CHD1: variants seen among roughly 807,000 people sequenced by gnomAD.
CHD1 encodes ATP-dependent chromatin remodeler CHD1.
CHD1 carries 36 observed loss-of-function variants against 224.2 expected under a neutral mutation model. The observed-to-expected ratio is 0.16, with a 90% CI of 0.12 to 0.21. CHD1 has a LOEUF of 0.21. Ranked by LOEUF, CHD1 falls within the 10% of genes least tolerant of loss-of-function variation. The probability of loss-of-function intolerance (pLI) is 1.00; values close to 1 mark genes in which losing one functional copy is unlikely to be tolerated. For missense variants in CHD1, 1,378 were observed against 1,994.8 expected, an observed-to-expected ratio of 0.69 and a Z score of 5.89; for synonymous variants, 668 against 658.3, an observed-to-expected ratio of 1.01 and a Z score of -0.23.
chr5:98,903,804 G>A lies in CHD1; in HGVS notation c.360C>T (p.Ser120=), dbSNP rs934696678. 21 of 1,610,320 alleles carry A rather than the reference G, an allele frequency of 1.3e-5. No homozygotes were observed. Among genetic ancestry groups the A allele is most frequent in the African/African-American group, 9.4e-5 (7 of 74,796 alleles). ...QQQQHQASSN[S]GSEEDSSSSE... ...GATGAAAATGCACCTCTTCTGATCC[G>A]CTATTAGATGAGGCTTGATGTTGTT... The change falls in exon 4 of 36, where the codon AGC becomes AGT. Residue 120 remains serine (S), a synonymous_variant. Coordinates refer to ENST00000614616, the MANE Select transcript of CHD1 (RefSeq NM_001270.4).
At chr5:98,889,501 T>G (rs1335621986) in intron 15 of CHD1, among the ~76,000 whole-genome samples, 1 of 152,176 alleles carries the variant, frequency 6.6e-6, no homozygotes, top group Admixed American at 6.5e-5. Flanking sequence ...TCCCCTCAAA[T>G]TTGCTAAAAA....
At position 98,901,232 on chromosome 5, in the gene CHD1, C is replaced by T. The variant is rs1751686720; in HGVS notation, c.541G>A (p.Asp181Asn). 9 of 1,613,762 alleles carry T rather than the reference C, an allele frequency of 5.6e-6. No homozygotes were observed. Among genetic ancestry groups the T allele is most frequent in the Non-Finnish European group, 7.6e-6 (9 of 1,179,894 alleles). Residue 181 changes from aspartate to asparagine, a missense_variant, in exon 6 of 36, where the codon GAT becomes AAT. Asp to Asn is a conservative substitution (Grantham distance 23). This residue lies in a region of CHD1 where 306 missense variants were observed against 298.1 expected (regional missense o/e 1.03). Coordinates refer to ENST00000614616, the MANE Select transcript of CHD1 (RefSeq NM_001270.4). Reference sequence around the variant, plus strand: ...TTGACTTTGTTTTTTGGCTCATAATCAGATTCTGTTTCATCACAACTGCTT... The same window carrying T: ...TTGACTTTGTTTTTTGGCTCATAATTAGATTCTGTTTCATCACAACTGCTT... ...EKSSCDETES[D>N]YEPKNKVKSR...
intron 8 of CHD1, among the ~76,000 whole-genome samples, chr5:98,899,165 C>A (rs1751529910): frequency 6.6e-6 from 1 of 152,144 alleles, no homozygotes; most frequent in African/African-American, 2.4e-5. Context: ...ACATCCTCCC[C>A]CATACTTTAA....
chr5:98,858,924 T>A lies in CHD1; in HGVS notation c.4576+40A>T, dbSNP rs761822213. On this transcript the variant is annotated intron_variant, in intron 34 of 35. Coordinates refer to ENST00000614616, the MANE Select transcript of CHD1 (RefSeq NM_001270.4). ...TTTAAAACAAAAATTTAAAAAAAAT[T>A]TTTTTTAATTTATTTTCCCAATCAG... is the stretch of plus-strand genomic sequence containing the variant. The A allele has an allele frequency of 7.3e-5, 104 of 1,420,194 alleles. No individual in the cohort carries two copies. In the African/African-American group the frequency reaches 1.5e-3, roughly 21 times the overall value. The allele number at this position is 1,420,194 out of a possible 1,614,324, so 88.0% of individuals were successfully genotyped here.
chr5:98,911,146 A>AAATATATATATATATATAT (rs1491111295), intron 2 of CHD1, among the ~76,000 whole-genome samples: 3 of 39,134 alleles, frequency 7.7e-5, no homozygotes, highest in Non-Finnish European at 1.3e-4. Flanking sequence ...AAAAAAAAAA[A>AAATATATATATATATATAT]ATATATATAT....
intron 35 of CHD1, among the ~76,000 whole-genome samples, chr5:98,857,429 C>T (rs1748121487): frequency 6.6e-6 from 1 of 152,068 alleles, no homozygotes. Context: ...CTTCAAATAA[C>T]AGCCATTCTA....
At chr5:98,882,395 T>A (rs1200263776) in intron 19 of CHD1, among the ~76,000 whole-genome samples, 3 of 141,120 alleles carry the variant, frequency 2.1e-5, no homozygotes, top group Admixed American at 6.9e-5. Context: ...GTAATTTTTA[T>A]GTTATGATTT....
intron 21 of CHD1, 40 bp downstream of exon 21, chr5:98,881,239 T>C: frequency 7.2e-7 from 1 of 1,386,974 alleles, no homozygotes; most frequent in Non-Finnish European, 9.8e-7. Context: ...ATGACACATA[T>C]TCTGAGGCAG....
intron 31 of CHD1, among the ~76,000 whole-genome samples, chr5:98,867,800 T>TG (rs1402274887): frequency 1.4e-5 from 2 of 145,190 alleles, no homozygotes; most frequent in Non-Finnish European, 3.0e-5. Context: ...TCCTTGTTTT[T>TG]TTTTTTTTTT....
At chr5:98,928,222 G>A (rs866548500) in intron 1 of CHD1, among the ~76,000 whole-genome samples, 6 of 151,566 alleles carry the variant, frequency 4.0e-5, no homozygotes, top group Non-Finnish European at 8.8e-5. Flanking sequence ...AGCCCGGGTC[G>A]CGGCAGGACC....
intron 31 of CHD1, among the ~76,000 whole-genome samples, chr5:98,866,564 G>A (rs551237535): frequency 6.6e-6 from 1 of 152,096 alleles, no homozygotes; most frequent in South Asian, 2.1e-4. Context: ...CCTCTTTGAA[G>A]TATAGCATTT....
At chr5:98,923,188 A>G (rs1289535475) in intron 2 of CHD1, among the ~76,000 whole-genome samples, 1 of 152,140 alleles carries the variant, frequency 6.6e-6, no homozygotes, top group African/African-American at 2.4e-5. Context: ...AGTAGAGCAT[A>G]GTATAGCAGC....
chr5:98,922,054 G>T (rs1425496669), intron 2 of CHD1, among the ~76,000 whole-genome samples: 2 of 152,114 alleles, frequency 1.3e-5, no homozygotes, highest in Non-Finnish European at 2.9e-5. Flanking sequence ...TCAGGAGGCA[G>T]AGGCAGAAAA....
At chr5:98,915,403 AC>A (rs961228472) in intron 2 of CHD1, among the ~76,000 whole-genome samples, 3 of 152,030 alleles carry the variant, frequency 2.0e-5, no homozygotes, top group African/African-American at 7.3e-5. Context: ...GTGGAGAGAT[AC>A]TAGGAAGAGT....
chr5:98,893,851 A>G (rs1373687815), intron 13 of CHD1, among the ~76,000 whole-genome samples: 1 of 152,168 alleles, frequency 6.6e-6, no homozygotes, highest in Non-Finnish European at 1.5e-5. Context: ...TTATAAACTG[A>G]TAATTAACGG....
At chr5:98,866,961 C>A (rs1428197496) in intron 31 of CHD1, among the ~76,000 whole-genome samples, 3 of 152,112 alleles carry the variant, frequency 2.0e-5, no homozygotes, top group Non-Finnish European at 4.4e-5. Flanking sequence ...ACATCTACAA[C>A]AATCACTTAT....
intron 2 of CHD1, among the ~76,000 whole-genome samples, chr5:98,914,904 C>G (rs1752642886): frequency 6.6e-6 from 1 of 152,090 alleles, no homozygotes; most frequent in African/African-American, 2.4e-5. Flanking sequence ...CTAACTAGGT[C>G]TTGAAGATCA....
At chr5:98,878,551 A>G (rs1409005799) in intron 23 of CHD1, among the ~76,000 whole-genome samples, 2 of 152,228 alleles carry the variant, frequency 1.3e-5, no homozygotes, top group Non-Finnish European at 2.9e-5. Flanking sequence ...CTTTTTGGCA[A>G]TATAGCTTGG....
Position 98,898,238 on chromosome 5 carries a change from A to T in CHD1, c.1365+18T>A. ...ATAAATATATTTTTAATAATTTAAA[A>T]TGTTAGACAATACTCACTTTGCAAT... On this transcript the variant is annotated intron_variant, in intron 10 of 35. Coordinates refer to ENST00000614616, the MANE Select transcript of CHD1 (RefSeq NM_001270.4). 1 of 1,360,850 alleles carries T rather than the reference A, an allele frequency of 7.3e-7. No homozygotes were observed. Among genetic ancestry groups the T allele is most frequent in the Non-Finnish European group, 9.8e-7 (1 of 1,022,060 alleles). 84.3% of individuals were successfully genotyped at this position (1,360,850 alleles called of 1,614,324 possible). A position where few individuals can be genotyped will look rare whatever the true frequency, so the allele number is the denominator to read the frequency against.
Sources: allele counts gnomAD v4.1 joint callset (sites outside exome capture counted in the v4.1 genomes callset), GRCh38; gene constraint gnomAD v4.1.1; regional missense constraint gnomAD v4.1.1; transcripts MANE v1.5; gene names NCBI Gene and HGNC (gene_info 2026-07-23, HGNC 2026-07-21).